The following GRM4 variants were observed in gnomAD, a reference collection of about 807,000 sequenced individuals.
The protein encoded by GRM4 is glutamate metabotropic receptor 4.
Under a neutral mutation model 81.7 loss-of-function variants are expected in GRM4, and 28 were observed. The ratio of observed to expected loss-of-function variants is 0.34; its 90% CI spans 0.25 to 0.47. The LOEUF is 0.47. Among genes scored for constraint, GRM4 ranks in the 20% least tolerant of loss-of-function variants. The probability of loss-of-function intolerance (pLI) is 1.00; values close to 1 mark genes in which losing one functional copy is unlikely to be tolerated. For missense variants in GRM4, 948 were observed against 1,290.0 expected, an observed-to-expected ratio of 0.73 and a Z score of 4.06; for synonymous variants, 488 against 528.8, an observed-to-expected ratio of 0.92 and a Z score of 1.06.
chr6:34,045,081 C>G (rs1765304899), intron 6 of GRM4, among the ~76,000 whole-genome samples: 2 of 152,172 alleles, frequency 1.3e-5, no homozygotes, highest in Non-Finnish European at 2.9e-5. Context: ...TGCCTCAGGC[C>G]CTTCCCTTGT....
At chr6:34,155,392 C>G in exon 1 of GRM4, 1 of 1,487,944 alleles carries the variant, frequency 6.7e-7, no homozygotes, top group Non-Finnish European at 8.9e-7. Context: ...AGCCGGCATC[C>G]TCCCACTCTC....
chr6:34,030,208 G>T (rs1764345235), intron 9 of GRM4, among the ~76,000 whole-genome samples: 1 of 152,180 alleles, frequency 6.6e-6, no homozygotes, highest in Admixed American at 6.5e-5. Flanking sequence ...GAATAGGCTT[G>T]TCATCTGGGT....
At chr6:34,154,020 T>C (rs1771097880) in intron 1 of GRM4, among the ~76,000 whole-genome samples, 1 of 152,122 alleles carries the variant, frequency 6.6e-6, no homozygotes, top group Admixed American at 6.5e-5. Context: ...TTTGGGACTG[T>C]CTGTGGGTGC....
intron 3 of GRM4, among the ~76,000 whole-genome samples, chr6:34,091,333 G>A (rs1318681318): frequency 1.3e-5 from 2 of 152,166 alleles, no homozygotes; most frequent in African/African-American, 2.4e-5. Flanking sequence ...ATCAGGGTAC[G>A]AGGGGGAGAC....
intron 3 of GRM4, among the ~76,000 whole-genome samples, chr6:34,083,007 G>T (rs1767684690): frequency 6.6e-6 from 1 of 152,208 alleles, no homozygotes; most frequent in African/African-American, 2.4e-5. Flanking sequence ...AAACCCCAAA[G>T]GAATCTTCAA....
At chr6:34,067,473 C>T (rs1304201213) in intron 3 of GRM4, among the ~76,000 whole-genome samples, 1 of 139,246 alleles carries the variant, frequency 7.2e-6, no homozygotes, top group African/African-American at 2.9e-5. Flanking sequence ...TCCTTCCCTC[C>T]CTCCCTCTCT....
rs71000021 is a variant in GRM4, at chr6:34,069,167, T to TACACACACAC, written c.737-7149_737-7140dup. ...CTACCCCTGGACCCTCATGGGCGTA[T>TACACACACAC]ACACACACACACACACACACACACA... On this transcript the variant is annotated intron_variant, in intron 3 of 10. Transcript: ENST00000538487. This position sits in a 1 kb window ranked among gnomAD's most constrained non-coding sequence, Gnocchi z 6.4. 2.0e-3 allele frequency among the ~76,000 whole-genome samples: 271 copies of TACACACACAC among 134,694 alleles called. 1 individual carries two copies. Among genetic ancestry groups the TACACACACAC allele is most frequent in the Middle Eastern group, 7.3e-3 (2 of 274 alleles). The allele number at this position is 134,694 out of a possible 152,430, so 88.4% of individuals were successfully genotyped here. A position where few individuals can be genotyped will look rare whatever the true frequency, so the allele number is the denominator to read the frequency against.
chr6:34,080,525 A>G lies in GRM4; in HGVS notation c.736+11358T>C, dbSNP rs892383303. Among the ~76,000 whole-genome samples the G allele has an allele frequency of 2.6e-5, 4 of 152,182 alleles. No homozygotes were observed. ...CAATAAATATTCATTCTGCAGATGA[A>G]TAAATTACTGTGGAGGAAAGGGATG... is the stretch of plus-strand genomic sequence containing the variant. On this transcript the variant is annotated intron_variant, in intron 3 of 10. Transcript: ENST00000538487. This position sits in a 1 kb window ranked among gnomAD's most constrained non-coding sequence, Gnocchi z 5.4.
rs374573521 is a variant in GRM4, at chr6:34,139,609, T to C, written c.-363-5750A>G. 3.9e-5 allele frequency among the ~76,000 whole-genome samples: 6 copies of C among 152,258 alleles called. No homozygotes were observed. In the East Asian group the frequency reaches 1.2e-3, roughly 29 times the overall value. On this transcript the variant is annotated intron_variant, in intron 1 of 10. Transcript: ENST00000538487. ...TAACAATGACCAGGCTGGGAGCACA[T>C]TAAAGGCCTGCATGGACAGCACTGC...
At chr6:34,073,046 A>ACACC (rs1767061205) in intron 3 of GRM4, among the ~76,000 whole-genome samples, 1 of 100,182 alleles carries the variant, frequency 1.0e-5, no homozygotes, top group Non-Finnish European at 2.1e-5. Flanking sequence ...CACACCACAC[A>ACACC]CACACATCAC....
At position 34,078,476 on chromosome 6, in the gene GRM4, C is replaced by T. The variant is rs1581664866; in HGVS notation, c.736+13407G>A. Among the ~76,000 whole-genome samples, 1 of 152,162 alleles carries T rather than the reference C, an allele frequency of 6.6e-6. No homozygotes were observed. Among genetic ancestry groups the T allele is most frequent in the Non-Finnish European group, 1.5e-5 (1 of 68,020 alleles). The stretch of plus-strand genomic sequence containing the variant: ...AGCCCAGTGCTGCGGTCCACACCTT[C>T]CCTTCTTCCACCCCGTCTTCTTCCC... On this transcript the variant is annotated intron_variant, in intron 3 of 10. Transcript: ENST00000538487. This position sits in a 1 kb window ranked among gnomAD's most constrained non-coding sequence, Gnocchi z 4.8.
intron 1 of GRM4, among the ~76,000 whole-genome samples, chr6:34,135,699 T>G (rs533268393): frequency 6.6e-6 from 1 of 152,340 alleles, no homozygotes; most frequent in South Asian, 2.1e-4. Context: ...TGAATGAATT[T>G]ATCAGATCTC....
At chr6:34,110,687 T>A in intron 2 of GRM4, 2 of 1,511,538 alleles carry the variant, frequency 1.3e-6, no homozygotes, top group Non-Finnish European at 1.8e-6. Flanking sequence ...TCCAGGAGCG[T>A]GTGTCTGCCT....
At chr6:34,138,275 G>A (rs1203769775) in intron 1 of GRM4, among the ~76,000 whole-genome samples, 2 of 152,146 alleles carry the variant, frequency 1.3e-5, no homozygotes, top group Non-Finnish European at 2.9e-5. Context: ...AGCAAAAAGA[G>A]CCAGGCCAAG....
chr6:34,110,816 C>G (rs186811870), intron 2 of GRM4: 1 of 1,381,992 alleles, frequency 7.2e-7, no homozygotes, highest in South Asian at 1.7e-5. Context: ...ATCTGTCTTG[C>G]CTGGCAGCTC....
At chr6:34,040,459 C>A in intron 7 of GRM4, 89 bp downstream of exon 7, 1 of 1,426,146 alleles carries the variant, frequency 7.0e-7, no homozygotes, top group Non-Finnish European at 9.7e-7. Flanking sequence ...AGAGGCCTCC[C>A]ATTCCCACCC....
In GRM4 at chr6:34,042,815, C is replaced by T. The variant is rs140108368; in HGVS notation, c.1169-2067G>A. Among the ~76,000 whole-genome samples the T allele has an allele frequency of 2.7e-3, 413 of 152,254 alleles. 2 individuals carry two copies. The highest frequency in any genetic ancestry group is 0.01 in the Middle Eastern group (3 of 294). On this transcript the variant is annotated intron_variant, in intron 6 of 10. Coordinates refer to ENST00000538487, the MANE Select transcript of GRM4 (RefSeq NM_000841.4). The surrounding 1 kb of genome is among the most constrained non-coding windows in gnomAD (Gnocchi z 4.2). ...GGGTGCAGGGGATCTCACTGCCTCT[C>T]CCTGAGGCAGTACCCTCTAATCCCC...
In GRM4 at chr6:34,076,391, G is replaced by A. The variant is rs779011082; in HGVS notation, c.737-14363C>T. 5.9e-5 allele frequency among the ~76,000 whole-genome samples: 9 copies of A among 152,232 alleles called. No homozygotes were observed. In the East Asian group the frequency reaches 7.7e-4, roughly 13 times the overall value. ...AGGAGCAAGGGGTGGCAAAGAGCCC[G>A]GCTCTGGCTCCCGCAGGCCACTCCT... On this transcript the variant is annotated intron_variant, in intron 3 of 10. Transcript: ENST00000538487.
At chr6:34,087,965 C>A (rs1260616260) in intron 3 of GRM4, among the ~76,000 whole-genome samples, 1 of 152,088 alleles carries the variant, frequency 6.6e-6, no homozygotes, top group Non-Finnish European at 1.5e-5. Flanking sequence ...CCTGGACACA[C>A]CTGTATCTCC....
Sources: gnomAD v4.1 joint callset for allele counts (sites outside exome capture counted in the v4.1 genomes callset) on GRCh38, gnomAD v4.1.1 for gene constraint, Gnocchi (gnomAD v3.1) non-coding constraint, MANE v1.5 for transcripts, NCBI Gene and HGNC (gene_info 2026-07-23, HGNC 2026-07-21) for gene names.